GPRIN2: variants seen among roughly 807,000 people sequenced by gnomAD.
GPRIN2 encodes the protein G protein-regulated inducer of neurite outgrowth 2.
Under a neutral mutation model 0.3 loss-of-function variants are expected in GPRIN2, and 1 was observed. The observed-to-expected ratio is 3.90, with a 90% CI of 1.39 to 18.51. GPRIN2 has a LOEUF of 18.51. Among genes scored for constraint, GPRIN2 ranks in the 30% most tolerant of loss-of-function variants. The probability of loss-of-function intolerance (pLI) is 0.11; values close to 1 mark genes in which losing one functional copy is unlikely to be tolerated. For synonymous variants in GPRIN2, 361 were observed against 258.6 expected (o/e 1.40, Z -3.80); for missense variants, 880 against 604.2 (o/e 1.46, Z -4.79).
At position 46,545,259 on chromosome 10, in the gene GPRIN2, C is replaced by G. The variant is rs1203535510; in HGVS notation, c.*4101G>C. Among the ~76,000 whole-genome samples, 1 of 151,630 alleles carries G rather than the reference C, an allele frequency of 6.6e-6. No homozygotes were observed. The highest frequency in any genetic ancestry group is 1.9e-4 in the East Asian group (1 of 5,186). On this transcript the variant is annotated 3_prime_UTR_variant, in exon 3 of 3. Transcript: ENST00000374314. ...TTCCCCCAAAATAGGCCCTACGACT[C>G]CAGCAGAAACCTACCCTGGGGCTCC...
upstream of GPRIN2, among the ~76,000 whole-genome samples, chr10:46,556,897 A>G (rs1843307653): frequency 6.6e-6 from 1 of 152,130 alleles, no homozygotes; most frequent in Non-Finnish European, 1.5e-5. Context: ...TGCCCAGCGA[A>G]CCCCCAAGAC....
chr10:46,545,916 G>A lies in GPRIN2; in HGVS notation c.*3444C>T, dbSNP rs1842116461. Among the ~76,000 whole-genome samples the A allele has an allele frequency of 6.6e-6, 1 of 152,312 alleles. No individual in the cohort carries two copies. Among genetic ancestry groups the A allele is most frequent in the Non-Finnish European group, 1.5e-5 (1 of 68,058 alleles). ...TGCCCAAGATCACATGGCTATAGGT[G>A]TGGATCCTATATATCCAGATTCAAA... On this transcript the variant is annotated 3_prime_UTR_variant, in exon 3 of 3. Transcript: ENST00000374314.
rs1555019409 is a variant in GPRIN2, at chr10:46,550,247, G to C, written c.490C>G (p.Gln164Glu). The C allele has an allele frequency of 6.2e-7, 1 of 1,609,660 alleles. No homozygotes were observed. The highest frequency in any genetic ancestry group is 8.5e-7 in the Non-Finnish European group (1 of 1,177,570). The change falls in exon 3 of 3, where the codon CAG becomes GAG. Residue 164 changes from glutamine (Q) to glutamate (E), a missense_variant. Transcript: ENST00000374314. ...AGGCCTGCAGGGGCCTGGCCACCCT[G>C]GCCAGAAGTACCACCTGGCTGCAGC... ...AQLQPGGTSGQGGQAPAGLER... is the reference protein window; with the variant it reads ...AQLQPGGTSGEGGQAPAGLER...
rs1833031049 is a variant in GPRIN2, at chr10:46,543,474, G to A, written c.*5886C>T. Among the ~76,000 whole-genome samples the A allele has an allele frequency of 2.6e-5, 4 of 152,426 alleles. No individual in the cohort carries two copies. In the East Asian group the frequency reaches 5.8e-4, roughly 22 times the overall value. On this transcript the variant is annotated 3_prime_UTR_variant, in exon 3 of 3. Transcript: ENST00000374314. ...GGCAGCGGGTGCAGGACCAGCAGAG[G>A]TCCCCCGACTGTCCTTGGCTGTGTG...
At position 46,550,076 on chromosome 10, in the gene GPRIN2, G is replaced by C; in HGVS notation, c.661C>G (p.Leu221Val). The C allele has an allele frequency of 5.6e-6, 9 of 1,613,588 alleles. No individual in the cohort carries two copies. The highest frequency in any genetic ancestry group is 6.8e-6 in the Non-Finnish European group (8 of 1,179,946). ...AQAEPKAAEQ[L>V]ATTTCHALPP... The stretch of plus-strand genomic sequence containing the variant: ...AGAGCATGGCAGGTGGTGGTAGCCA[G>C]CTGTTCAGCAGCTTTGGGCTCAGCC... The change falls in exon 3 of 3, where the codon CTG (leucine) becomes GTG (valine). Residue 221 changes from leucine (L) to valine (V), a missense_variant. Coordinates refer to ENST00000374314, the MANE Select transcript of GPRIN2 (RefSeq NM_001385282.1).
chr10:46,547,352 C>T lies in GPRIN2; in HGVS notation c.*2008G>A, dbSNP rs1232813058. 2.6e-5 allele frequency among the ~76,000 whole-genome samples: 4 copies of T among 152,310 alleles called. No individual in the cohort carries two copies. The highest frequency in any genetic ancestry group is 2.6e-4 in the Admixed American group (4 of 15,294). On this transcript the variant is annotated 3_prime_UTR_variant, in exon 3 of 3. Coordinates refer to ENST00000374314, the MANE Select transcript of GPRIN2 (RefSeq NM_001385282.1). ...ATTTCTAAACTGAAATCTGGTCCCA[C>T]CTCAGAACCCCTTCCACAGTTCCCT...
chr10:46,547,636 C>A lies in GPRIN2; in HGVS notation c.*1724G>T, dbSNP rs1842287220. On this transcript the variant is annotated 3_prime_UTR_variant, in exon 3 of 3. Coordinates refer to ENST00000374314, the MANE Select transcript of GPRIN2 (RefSeq NM_001385282.1). ...GTGTGAAAGGTCCCTCCCCATGCAC[C>A]CACAGCCATTTGTTCTCTCTCATGT... Among the ~76,000 whole-genome samples, 1 of 152,310 alleles carries A rather than the reference C, an allele frequency of 6.6e-6. No homozygotes were observed. Among genetic ancestry groups the A allele is most frequent in the Non-Finnish European group, 1.5e-5 (1 of 68,056 alleles).
chr10:46,546,631 C>A lies in GPRIN2; in HGVS notation c.*2729G>T, dbSNP rs1832893091. 2.5e-4 allele frequency among the ~76,000 whole-genome samples: 38 copies of A among 152,390 alleles called. No homozygotes were observed. The highest frequency in any genetic ancestry group is 1.6e-4 in the Non-Finnish European group (11 of 68,038). On this transcript the variant is annotated 3_prime_UTR_variant, in exon 3 of 3. Transcript: ENST00000374314. ...AAGGGGAGGAGATCTGTAAACTAAA[C>A]CGCTGGCCATGCTCTGGGGCCCTAA...
Position 46,545,012 on chromosome 10 carries a change from C to T in GPRIN2, c.*4348G>A, listed in dbSNP as rs1185973626. Among the ~76,000 whole-genome samples the T allele has an allele frequency of 6.6e-6, 1 of 152,308 alleles. No homozygotes were observed. Among genetic ancestry groups the T allele is most frequent in the African/African-American group, 2.4e-5 (1 of 41,488 alleles). On this transcript the variant is annotated 3_prime_UTR_variant, in exon 3 of 3. Coordinates refer to ENST00000374314, the MANE Select transcript of GPRIN2 (RefSeq NM_001385282.1). ...ATAGCTTCAGATGGCAAAACCAGGC[C>T]AGGCCAGAATGAAAAAGGAGAAGGA...
intron 2 of GPRIN2, among the ~76,000 whole-genome samples, chr10:46,552,991 C>T (rs1842783159): frequency 6.6e-6 from 1 of 152,310 alleles, no homozygotes; most frequent in African/African-American, 2.4e-5. Context: ...ATGATAATAA[C>T]AGCTGCCAGG....
At position 46,544,108 on chromosome 10, in the gene GPRIN2, A is replaced by G. The variant is rs1171324863; in HGVS notation, c.*5252T>C. On this transcript the variant is annotated 3_prime_UTR_variant, in exon 3 of 3. Coordinates refer to ENST00000374314, the MANE Select transcript of GPRIN2 (RefSeq NM_001385282.1). The stretch of plus-strand genomic sequence containing the variant: ...GGAAAGACACCCATCAAAAAGAGTG[A>G]GCAAACCTAAAGAAGGGTTCAATAG... Among the ~76,000 whole-genome samples the G allele has an allele frequency of 2.6e-5, 4 of 152,306 alleles. No individual in the cohort carries two copies. Among genetic ancestry groups the G allele is most frequent in the Non-Finnish European group, 5.9e-5 (4 of 68,054 alleles).
Position 46,548,206 on chromosome 10 carries a change from C to T in GPRIN2, c.*1154G>A, listed in dbSNP as rs2131609719. ...AAGCCCACTCCCATTCTTCACAGGC[C>T]TCGAGAAATCTTTGGGCAATGAAGT... On this transcript the variant is annotated 3_prime_UTR_variant, in exon 3 of 3. Coordinates refer to ENST00000374314, the MANE Select transcript of GPRIN2 (RefSeq NM_001385282.1). 6.6e-6 allele frequency among the ~76,000 whole-genome samples: 1 copy of T among 152,410 alleles called. No individual in the cohort carries two copies. Among genetic ancestry groups the T allele is most frequent in the African/African-American group, 2.4e-5 (1 of 41,606 alleles).
rs1842045124 is a variant in GPRIN2, at chr10:46,545,163, A to C, written c.*4197T>G. On this transcript the variant is annotated 3_prime_UTR_variant, in exon 3 of 3. Coordinates refer to ENST00000374314, the MANE Select transcript of GPRIN2 (RefSeq NM_001385282.1). ...ATTTGTGGGCTACAAGCTTGGCATG[A>C]CATGGATGCAAATGTCAATGGGTGC... 6.6e-6 allele frequency among the ~76,000 whole-genome samples: 1 copy of C among 152,306 alleles called. No individual in the cohort carries two copies. The highest frequency in any genetic ancestry group is 2.1e-4 in the South Asian group (1 of 4,838).
At chr10:46,553,756 G>GA (rs1842866964) in intron 2 of GPRIN2, among the ~76,000 whole-genome samples, 1 of 152,306 alleles carries the variant, frequency 6.6e-6, no homozygotes. Context: ...GAGGCCTGGA[G>GA]CAGCTCAGAA....
chr10:46,553,489 C>A (rs1842838301), intron 2 of GPRIN2, among the ~76,000 whole-genome samples: 1 of 152,306 alleles, frequency 6.6e-6, no homozygotes, highest in Non-Finnish European at 1.5e-5. Context: ...CCAAACCCCA[C>A]CACCCTCCCA....
rs1302466593 is a variant in GPRIN2, at chr10:46,544,016, T to G, written c.*5344A>C. ...CTCAGGTGTTCTTCTGCTTTATTATTCCCGTGTAGCCACAGCAACAGAACT... is the reference window on the plus strand; with the variant it reads ...CTCAGGTGTTCTTCTGCTTTATTATGCCCGTGTAGCCACAGCAACAGAACT... On this transcript the variant is annotated 3_prime_UTR_variant, in exon 3 of 3. Transcript: ENST00000374314. Among the ~76,000 whole-genome samples the G allele has an allele frequency of 1.3e-5, 2 of 152,286 alleles. No individual in the cohort carries two copies. The highest frequency in any genetic ancestry group is 2.9e-5 in the Non-Finnish European group (2 of 68,056).
chr10:46,552,240 T>C (rs1842696097), intron 2 of GPRIN2, among the ~76,000 whole-genome samples: 1 of 152,304 alleles, frequency 6.6e-6, no homozygotes, highest in Non-Finnish European at 1.5e-5. Flanking sequence ...CCAGAGCATA[T>C]GAGGGGAGCA....
rs1841840033 is a variant in GPRIN2 at position 46,542,548 on chromosome 10, A to G, written c.*6812T>C. On this transcript the variant is annotated 3_prime_UTR_variant, in exon 3 of 3. Coordinates refer to ENST00000374314, the MANE Select transcript of GPRIN2 (RefSeq NM_001385282.1). Reference sequence around the variant, plus strand: ...CCTTGCTTCTCCTTCGCTGTCTGCCATGATTGTAAGTTTCCTGAGGCTTCC... The same window carrying G: ...CCTTGCTTCTCCTTCGCTGTCTGCCGTGATTGTAAGTTTCCTGAGGCTTCC... 6.6e-6 allele frequency among the ~76,000 whole-genome samples: 1 copy of G among 152,308 alleles called. No homozygotes were observed. Among genetic ancestry groups the G allele is most frequent in the Non-Finnish European group, 1.5e-5 (1 of 68,058 alleles).
intron 2 of GPRIN2, among the ~76,000 whole-genome samples, chr10:46,553,766 A>G (rs1327414757): frequency 1.3e-5 from 2 of 152,310 alleles, no homozygotes; most frequent in Non-Finnish European, 2.9e-5. Flanking sequence ...GCAGCTCAGA[A>G]ATGTCAAAGA....
Sources: gnomAD v4.1 joint callset for allele counts (sites outside exome capture counted in the v4.1 genomes callset) on GRCh38, gnomAD v4.1.1 for gene constraint, MANE v1.5 for transcripts, NCBI Gene and HGNC (gene_info 2026-07-23, HGNC 2026-07-21) for gene names.